OPCML: variants seen among roughly 807,000 people sequenced by gnomAD.
OPCML encodes the protein opioid-binding protein/cell adhesion molecule.
Under a neutral mutation model 37.8 loss-of-function variants are expected in OPCML, and 13 were observed. The ratio of observed to expected loss-of-function variants is 0.34; its 90% CI spans 0.22 to 0.55. The LOEUF (loss-of-function observed/expected upper bound fraction) is 0.55, where lower values mean the gene tolerates loss of function less well. Among genes scored for constraint, OPCML ranks in the 20% least tolerant of loss-of-function variants. The pLI is 0.91. For synonymous variants in OPCML, 176 were observed against 168.8 expected (o/e 1.04, Z -0.33); for missense variants, 341 against 435.6 (o/e 0.78, Z 1.93).
At chr11:132,518,155 C>T (rs7114028) in intron 4 of OPCML, among the ~76,000 whole-genome samples, 9,851 of 152,162 alleles carry the variant, frequency 0.065, 748 homozygotes, top group African/African-American at 0.19. Context: ...TTGTTTGCTG[C>T]GCCTATCAAC....
At chr11:133,273,738 C>G (rs892732326) in intron 1 of OPCML, among the ~76,000 whole-genome samples, 7 of 152,078 alleles carry the variant, frequency 4.6e-5, no homozygotes, top group African/African-American at 1.7e-4. Flanking sequence ...GGGGCCACTT[C>G]CTATCCAGAG....
chr11:132,476,469 A>G (rs1301156695), intron 4 of OPCML, among the ~76,000 whole-genome samples: 1 of 152,216 alleles, frequency 6.6e-6, no homozygotes, highest in Non-Finnish European at 1.5e-5. Context: ...GACTGGATTA[A>G]GAAAATGTGG....
chr11:132,717,888 A>G (rs1944548317), intron 2 of OPCML, among the ~76,000 whole-genome samples: 1 of 152,244 alleles, frequency 6.6e-6, no homozygotes, highest in African/African-American at 2.4e-5. Context: ...CAAGGACAGC[A>G]TTCGCTAGGG....
chr11:133,040,042 TG>T (rs1191964163), intron 1 of OPCML, among the ~76,000 whole-genome samples: 1 of 149,844 alleles, frequency 6.7e-6, no homozygotes, highest in Non-Finnish European at 1.5e-5. Context: ...AAAAAAAAGA[TG>T]GGGGATGGCA....
At chr11:133,315,336 G>A (rs564512383) in intron 1 of OPCML, among the ~76,000 whole-genome samples, 32 of 151,844 alleles carry the variant, frequency 2.1e-4, no homozygotes, top group Non-Finnish European at 4.0e-4. Context: ...TTATAAAATC[G>A]CCTTGACCAC....
intron 2 of OPCML, among the ~76,000 whole-genome samples, chr11:132,903,118 A>T (rs1413991030): frequency 6.6e-6 from 1 of 152,142 alleles, no homozygotes; most frequent in African/African-American, 2.4e-5. Context: ...CCCTTCTTTG[A>T]GTCTCATATT....
At chr11:132,669,921 C>A (rs1387580941) in intron 2 of OPCML, among the ~76,000 whole-genome samples, 4 of 152,072 alleles carry the variant, frequency 2.6e-5, no homozygotes, top group Admixed American at 6.5e-5. Flanking sequence ...AGGGAGCTAC[C>A]CACTGACTAG....
At chr11:133,096,209 G>T (rs1949000718) in intron 1 of OPCML, among the ~76,000 whole-genome samples, 1 of 151,672 alleles carries the variant, frequency 6.6e-6, no homozygotes, top group East Asian at 1.9e-4. Flanking sequence ...GGGAATAAAT[G>T]AATTTAGGAA....
intron 1 of OPCML, among the ~76,000 whole-genome samples, chr11:133,445,549 C>T (rs1946457216): frequency 6.6e-6 from 1 of 152,220 alleles, no homozygotes; most frequent in South Asian, 2.1e-4. Flanking sequence ...TTAGCAAATG[C>T]TGCTGCTGTT....
At chr11:132,764,686 G>T (rs1246071753) in intron 2 of OPCML, among the ~76,000 whole-genome samples, 1 of 152,192 alleles carries the variant, frequency 6.6e-6, no homozygotes, top group African/African-American at 2.4e-5. Context: ...GAGGACCTCT[G>T]TTCCACTGAG....
At chr11:133,441,127 T>C (rs921489713) in intron 1 of OPCML, among the ~76,000 whole-genome samples, 1 of 151,934 alleles carries the variant, frequency 6.6e-6, no homozygotes, top group Non-Finnish European at 1.5e-5. Context: ...TCTTATATGT[T>C]AGCACAAATT....
intron 2 of OPCML, among the ~76,000 whole-genome samples, chr11:132,835,048 C>A (rs548488358): frequency 1.3e-5 from 2 of 151,206 alleles, no homozygotes; most frequent in Admixed American, 6.6e-5. Flanking sequence ...GCCAGGACTT[C>A]TACTCTGCAG....
chr11:133,427,415 G>A lies in OPCML; in HGVS notation c.61+104849C>T, dbSNP rs539944299. Among the ~76,000 whole-genome samples the A allele has an allele frequency of 3.8e-3, 473 of 125,224 alleles. 2 individuals carry two copies. Among genetic ancestry groups the A allele is most frequent in the Admixed American group, 7.3e-3 (86 of 11,730 alleles). 82.2% of individuals were successfully genotyped at this position (125,224 alleles called of 152,430 possible). A position where few individuals can be genotyped will look rare whatever the true frequency, so the allele number is the denominator to read the frequency against. On this transcript the variant is annotated intron_variant, in intron 1 of 7. Transcript: ENST00000524381. ...AGAAGCCACTTTGCAGAGCGGGGCC[G>A]GGGGTGGGGGGGCGGGGTTCAAAAA...
intron 3 of OPCML, among the ~76,000 whole-genome samples, chr11:132,560,223 C>G (rs998546405): frequency 6.6e-6 from 1 of 152,294 alleles, no homozygotes; most frequent in East Asian, 1.9e-4. Context: ...ATGCAACTTT[C>G]AGGACTTGGT....
intron 1 of OPCML, chr11:133,298,306 T>A (rs1300675607): frequency 6.6e-6 from 1 of 151,982 alleles, no homozygotes; most frequent in Non-Finnish European, 1.5e-5. Flanking sequence ...AGGAAATAGA[T>A]AAATTCAGGA....
chr11:132,539,627 G>A (rs138794799), intron 3 of OPCML, among the ~76,000 whole-genome samples: 1,688 of 152,116 alleles, frequency 0.011, 11 homozygotes, highest in Middle Eastern at 0.037. Flanking sequence ...TGATAATAAC[G>A]GTGATGATGA....
At chr11:133,482,817 A>G (rs1025767619) in intron 1 of OPCML, among the ~76,000 whole-genome samples, 3 of 152,152 alleles carry the variant, frequency 2.0e-5, no homozygotes, top group Admixed American at 1.3e-4. Context: ...AAAACTGAGA[A>G]TTCAACAGAA....
intron 1 of OPCML, among the ~76,000 whole-genome samples, chr11:133,528,411 T>C (rs1948532439): frequency 6.6e-6 from 1 of 152,216 alleles, no homozygotes; most frequent in Non-Finnish European, 1.5e-5. Context: ...ATCTCTTTCT[T>C]AGTGAGTCTG....
At chr11:132,834,894 T>C (rs1451132193) in intron 2 of OPCML, among the ~76,000 whole-genome samples, 1 of 151,810 alleles carries the variant, frequency 6.6e-6, no homozygotes, top group Non-Finnish European at 1.5e-5. Flanking sequence ...AAAAGACACA[T>C]TTGGGGTTGT....
Sources: gnomAD v4.1 joint callset for allele counts (sites outside exome capture counted in the v4.1 genomes callset) on GRCh38, gnomAD v4.1.1 for gene constraint, MANE v1.5 for transcripts, NCBI Gene and HGNC (gene_info 2026-07-23, HGNC 2026-07-21) for gene names.